The following PRKCE variants were observed in gnomAD, a reference collection of about 807,000 sequenced individuals.
The protein encoded by PRKCE is protein kinase C epsilon type.
PRKCE carries 16 observed loss-of-function variants against 85.4 expected under a neutral mutation model. The ratio of observed to expected loss-of-function variants is 0.19; its 90% CI spans 0.13 to 0.28. The LOEUF is 0.28. Among genes scored for constraint, PRKCE ranks in the 10% least tolerant of loss-of-function variants. The pLI is 1.00. For synonymous variants in PRKCE, 388 were observed against 371.5 expected, an observed-to-expected ratio of 1.04 and a Z score of -0.51; for missense variants, 573 against 975.2, an observed-to-expected ratio of 0.59 and a Z score of 5.49.
chr2:46,110,571 T>A (rs1672155585), intron 11 of PRKCE, among the ~76,000 whole-genome samples: 1 of 151,994 alleles, frequency 6.6e-6, no homozygotes, highest in Non-Finnish European at 1.5e-5. Context: ...GTTATTAGCG[T>A]CTTCTCTCTT....
At chr2:46,080,998 C>CACACAG (rs1255037697) in intron 10 of PRKCE, among the ~76,000 whole-genome samples, 2 of 151,450 alleles carry the variant, frequency 1.3e-5, no homozygotes, top group Non-Finnish European at 2.9e-5. Context: ...CACACACACA[C>CACACAG]ACACATTTTT....
In PRKCE at chr2:46,186,601, ATTGT is replaced by A. The variant is rs1437668955; in HGVS notation, c.*1723_*1726del. On this transcript the variant is annotated 3_prime_UTR_variant, in exon 15 of 15. Coordinates refer to ENST00000306156, the MANE Select transcript of PRKCE (RefSeq NM_005400.3). Reference sequence around the variant, plus strand: ...GGGGGGTGTGTTGGGGATTCTTTGTATTGTTTATTTCATTTTGGTTTATTTTAAA... The same window carrying A: ...GGGGGGTGTGTTGGGGATTCTTTGTATTATTTCATTTTGGTTTATTTTAAA... 1 of 152,430 alleles carries A rather than the reference ATTGT, an allele frequency of 6.6e-6. No individual in the cohort carries two copies. The highest frequency in any genetic ancestry group is 1.5e-5 in the Non-Finnish European group (1 of 67,998). 9.4% of individuals were successfully genotyped at this position (152,430 alleles called of 1,614,324 possible). A position where few individuals can be genotyped will look rare whatever the true frequency, so the allele number is the denominator to read the frequency against.
Position 45,700,209 on chromosome 2 carries a change from C to T in PRKCE, c.348+47761C>T, listed in dbSNP as rs115094679. Among the ~76,000 whole-genome samples, 494 of 151,282 alleles carry T rather than the reference C, an allele frequency of 3.3e-3. 3 individuals carry two copies. The highest frequency in any genetic ancestry group is 0.012 in the African/African-American group (475 of 41,166). On this transcript the variant is annotated intron_variant, in intron 1 of 14. Coordinates refer to ENST00000306156, the MANE Select transcript of PRKCE (RefSeq NM_005400.3). ...GTCTCGGTGGAGAGGTGAGAACACACCTGGGAGCAATATAGAGAGGTCTTT... is the reference window on the plus strand; with the variant it reads ...GTCTCGGTGGAGAGGTGAGAACACATCTGGGAGCAATATAGAGAGGTCTTT...
chr2:45,739,858 T>C (rs1682404448), intron 1 of PRKCE, among the ~76,000 whole-genome samples: 1 of 152,140 alleles, frequency 6.6e-6, no homozygotes, highest in Non-Finnish European at 1.5e-5. Context: ...TATACTTGAA[T>C]AAAAACAACA....
chr2:45,822,657 T>A (rs1689630084), intron 1 of PRKCE, among the ~76,000 whole-genome samples: 1 of 152,194 alleles, frequency 6.6e-6, no homozygotes, highest in Non-Finnish European at 1.5e-5. Flanking sequence ...CTTGGCAATT[T>A]AAGTGGTGGT....
At chr2:46,109,811 A>G (rs1479442680) in intron 11 of PRKCE, among the ~76,000 whole-genome samples, 1 of 152,236 alleles carries the variant, frequency 6.6e-6, no homozygotes, top group East Asian at 1.9e-4. Flanking sequence ...GCTACTCACC[A>G]TTAAGTATGA....
intron 2 of PRKCE, among the ~76,000 whole-genome samples, chr2:45,925,594 C>T (rs1021902373): frequency 1.3e-5 from 2 of 152,204 alleles, no homozygotes; most frequent in African/African-American, 4.8e-5. Context: ...CCGCGCCCGG[C>T]CAAGCATGCT....
chr2:46,106,571 A>G (rs921899408), intron 11 of PRKCE, among the ~76,000 whole-genome samples: 3 of 152,258 alleles, frequency 2.0e-5, no homozygotes, highest in Non-Finnish European at 4.4e-5. Flanking sequence ...TCCAAGGGCC[A>G]TAACAGAAGT....
At chr2:45,969,640 G>T (rs1049333127) in intron 2 of PRKCE, among the ~76,000 whole-genome samples, 1 of 152,102 alleles carries the variant, frequency 6.6e-6, no homozygotes, top group East Asian at 1.9e-4. Context: ...TTTGTGCCAA[G>T]CAACCCCCCA....
At chr2:46,164,677 A>T (rs1056858917) in intron 14 of PRKCE, 3 of 152,320 alleles carry the variant, frequency 2.0e-5, no homozygotes, top group Admixed American at 6.5e-5. Flanking sequence ...AGGTCATGTC[A>T]CTTACAAGAG....
chr2:46,047,848 C>T (rs977859724), intron 10 of PRKCE, among the ~76,000 whole-genome samples: 1 of 152,176 alleles, frequency 6.6e-6, no homozygotes, highest in Non-Finnish European at 1.5e-5. Context: ...GCTTACTAAC[C>T]TTTGACTTGC....
intron 1 of PRKCE, among the ~76,000 whole-genome samples, chr2:45,779,079 T>C (rs1474365118): frequency 6.6e-6 from 1 of 152,218 alleles, no homozygotes; most frequent in Non-Finnish European, 1.5e-5. Context: ...ATTCCCGTTT[T>C]ATACGTGAGG....
At chr2:46,002,988 T>C (rs1021970381) in intron 7 of PRKCE, among the ~76,000 whole-genome samples, 12 of 152,186 alleles carry the variant, frequency 7.9e-5, no homozygotes, top group African/African-American at 2.9e-4. Flanking sequence ...CTGTGAGACA[T>C]TGTCTGCCTT....
chr2:45,885,522 A>AT (rs1695230236), intron 2 of PRKCE, among the ~76,000 whole-genome samples: 2 of 152,198 alleles, frequency 1.3e-5, no homozygotes, highest in African/African-American at 4.8e-5. Flanking sequence ...TTCCTATACA[A>AT]AACAAGCCTG....
intron 1 of PRKCE, among the ~76,000 whole-genome samples, chr2:45,794,845 A>ACCC (rs33982229): frequency 0.027 from 3,298 of 121,878 alleles, 73 homozygotes; most frequent in Middle Eastern, 0.045. Flanking sequence ...TTATTGCCCT[A>ACCC]CCCCCCCCCC....
intron 1 of PRKCE, among the ~76,000 whole-genome samples, chr2:45,815,929 C>A (rs931442358): frequency 2.0e-5 from 3 of 152,166 alleles, no homozygotes; most frequent in African/African-American, 7.2e-5. Flanking sequence ...CCCATGCCAG[C>A]CCTGGGCTGA....
intron 11 of PRKCE, among the ~76,000 whole-genome samples, chr2:46,108,982 G>A (rs1319100342): frequency 6.6e-6 from 1 of 151,224 alleles, no homozygotes; most frequent in African/African-American, 2.4e-5. Context: ...CATTGCCTTT[G>A]CTCCATTGTC....
intron 1 of PRKCE, among the ~76,000 whole-genome samples, chr2:45,740,504 C>A (rs566424557): frequency 2.7e-4 from 41 of 152,268 alleles, no homozygotes; most frequent in Admixed American, 1.2e-3. Context: ...CCTCCCCAAC[C>A]ACCTGACACG....
intron 11 of PRKCE, among the ~76,000 whole-genome samples, chr2:46,099,252 A>T (rs1383932253): frequency 2.0e-5 from 3 of 151,992 alleles, no homozygotes; most frequent in Non-Finnish European, 4.4e-5. Context: ...TGGGGTTTAT[A>T]TACTGATCTC....
Sources: allele counts gnomAD v4.1 joint callset (sites outside exome capture counted in the v4.1 genomes callset), GRCh38; gene constraint gnomAD v4.1.1; transcripts MANE v1.5; gene names NCBI Gene and HGNC (gene_info 2026-07-23, HGNC 2026-07-21).